The following ARHGAP6 variants were observed in gnomAD, a reference collection of about 807,000 sequenced individuals.
ARHGAP6 encodes the protein Rho GTPase activating protein 6.
In ARHGAP6, 16 loss-of-function variants were observed where a neutral mutation model predicts 55.7. That is an observed-to-expected ratio of 0.29 (90% CI 0.19 to 0.44). The LOEUF (loss-of-function observed/expected upper bound fraction) is 0.44, where lower values mean the gene tolerates loss of function less well. ARHGAP6 is among the 20% of genes least tolerant of loss of function. The probability of loss-of-function intolerance (pLI) is 1.00; values close to 1 mark genes in which losing one functional copy is unlikely to be tolerated. For synonymous variants in ARHGAP6, 382 were observed against 360.9 expected (o/e 1.06, Z -0.66); for missense variants, 698 against 808.9 (o/e 0.86, Z 1.66).
chrX:11,628,228 T>G (rs1027885193), intron 1 of ARHGAP6, among the ~76,000 whole-genome samples: 9 of 112,262 alleles, frequency 8.0e-5, no homozygotes, highest in African/African-American at 2.3e-4. Context: ...CTAAAATGGT[T>G]GACATAGAGG....
intron 1 of ARHGAP6, among the ~76,000 whole-genome samples, chrX:11,560,677 A>C (rs1039945435): frequency 1.8e-5 from 2 of 112,340 alleles, no homozygotes; most frequent in South Asian, 3.7e-4. Flanking sequence ...TCCTTCCTCC[A>C]ATTTTCTTAT....
chrX:11,202,015 G>A (rs2147371293), intron 2 of ARHGAP6, among the ~76,000 whole-genome samples: 1 of 102,436 alleles, frequency 9.8e-6, no homozygotes, highest in East Asian at 3.1e-4. Context: ...GTGTGTGTGT[G>A]TGTGTGTGTG....
At chrX:11,381,630 T>C (rs2049264198) in intron 1 of ARHGAP6, among the ~76,000 whole-genome samples, 1 of 111,764 alleles carries the variant, frequency 8.9e-6, no homozygotes, top group African/African-American at 3.3e-5. Flanking sequence ...AGCACTAGTG[T>C]TAGTTTTTCC....
At chrX:11,372,215 T>C (rs2049150869) in intron 1 of ARHGAP6, among the ~76,000 whole-genome samples, 1 of 112,077 alleles carries the variant, frequency 8.9e-6, no homozygotes, top group Admixed American at 9.5e-5. Context: ...GTCATTATAA[T>C]CAGATGGAAA....
intron 1 of ARHGAP6, among the ~76,000 whole-genome samples, chrX:11,658,980 G>A (rs1391519403): frequency 1.8e-5 from 2 of 110,173 alleles, no homozygotes; most frequent in Non-Finnish European, 3.8e-5. Context: ...ATTGCCAAAA[G>A]TACACTGTGG....
At chrX:11,151,089 C>G (rs539517363) in intron 10 of ARHGAP6, among the ~76,000 whole-genome samples, 3 of 111,249 alleles carry the variant, frequency 2.7e-5, no homozygotes, top group African/African-American at 9.8e-5. Flanking sequence ...TATTCACATT[C>G]AACATATCCT....
At chrX:11,440,416 C>T (rs894216983) in intron 1 of ARHGAP6, among the ~76,000 whole-genome samples, 11 of 112,274 alleles carry the variant, frequency 9.8e-5, no homozygotes, top group African/African-American at 2.9e-4. Context: ...AGAGGAGATG[C>T]CCACTGAAAT....
chrX:11,382,324 GATAA>G, intron 1 of ARHGAP6, among the ~76,000 whole-genome samples: 1 of 111,185 alleles, frequency 9.0e-6, no homozygotes, highest in Non-Finnish European at 1.9e-5. Context: ...CACAGGAAAA[GATAA>G]ATAAGTAAAT....
chrX:11,145,250 C>A (rs763635650), intron 10 of ARHGAP6: 16 of 112,143 alleles, frequency 1.4e-4, no homozygotes, highest in Non-Finnish European at 2.4e-4. Context: ...CTTTTTATTT[C>A]TTAAAGAAGG....
chrX:11,423,343 A>C (rs2049845368), intron 1 of ARHGAP6, among the ~76,000 whole-genome samples: 1 of 112,964 alleles, frequency 8.9e-6, no homozygotes, highest in South Asian at 3.6e-4. Flanking sequence ...TGAAAATTGA[A>C]TGTTCATAGA....
intron 1 of ARHGAP6, among the ~76,000 whole-genome samples, chrX:11,380,047 CT>C (rs2049244467): frequency 8.9e-6 from 1 of 111,869 alleles, no homozygotes; most frequent in Non-Finnish European, 1.9e-5. Flanking sequence ...AATTATTTCA[CT>C]GGCTCTCAGA....
Position 11,648,518 on chromosome X carries a change from C to T in ARHGAP6, c.588+15723G>A, listed in dbSNP as rs74778481. Among the ~76,000 whole-genome samples, 142 of 111,646 alleles carry T rather than the reference C, an allele frequency of 1.3e-3. 4 individuals are homozygous for T. In the East Asian group the frequency reaches 0.038, roughly 30 times the overall value. On this transcript the variant is annotated intron_variant, in intron 1 of 12. Coordinates refer to ENST00000337414, the MANE Select transcript of ARHGAP6 (RefSeq NM_013427.3). ...ATAGTATTGTTGCCTTTCCTCTTCC[C>T]GCTGAAGCATTATAAAATTGATGTA...
chrX:11,445,238 T>C (rs763097336), intron 1 of ARHGAP6, among the ~76,000 whole-genome samples: 3 of 112,041 alleles, frequency 2.7e-5, no homozygotes, highest in Non-Finnish European at 5.6e-5. Context: ...ATGTGGTCCA[T>C]ATGGGCATGA....
chrX:11,211,525 T>C (rs1030218252), intron 2 of ARHGAP6, among the ~76,000 whole-genome samples: 11 of 101,794 alleles, frequency 1.1e-4, no homozygotes, highest in African/African-American at 3.3e-4. Flanking sequence ...CCACTGCGCC[T>C]GGCCTATGAG....
At chrX:11,427,480 C>T (rs746577982) in intron 1 of ARHGAP6, 2 of 920,588 alleles carry the variant, frequency 2.2e-6, no homozygotes, top group African/African-American at 4.2e-5. Flanking sequence ...ACCATCGCCC[C>T]TCGCAGTCCC....
Position 11,196,960 on chromosome X carries a change from A to G in ARHGAP6, c.785T>C (p.Leu262Pro). ...GTTTTTCTCCTTTCCTAGTGAATCC[A>G]GTTTCTTTCTTAAAGATTTCTTTCT... ...QKRKKSLRKKLDSLGKEKNKD... is the reference protein window; with the variant it reads ...QKRKKSLRKKPDSLGKEKNKD... The change falls in exon 3 of 13, where the codon CTG becomes CCG. Residue 262 changes from leucine (L) to proline (P), a missense_variant. By Grantham distance (98) the Leu-to-Pro change is moderately conservative. Coordinates refer to ENST00000337414, the MANE Select transcript of ARHGAP6 (RefSeq NM_013427.3). The G allele has an allele frequency of 9.0e-7, 1 of 1,114,509 alleles. No individual in the cohort carries two copies. The highest frequency in any genetic ancestry group is 1.2e-6 in the Non-Finnish European group (1 of 808,267). 91.8% of individuals were successfully genotyped at this position (1,114,509 alleles called of 1,213,427 possible). A position where few individuals can be genotyped will look rare whatever the true frequency, so the allele number is the denominator to read the frequency against.
chrX:11,158,117 C>T (rs1043976357), intron 9 of ARHGAP6, among the ~76,000 whole-genome samples: 9 of 112,026 alleles, frequency 8.0e-5, no homozygotes, highest in Non-Finnish European at 1.7e-4. Flanking sequence ...TTATACCCCA[C>T]GTTCCCTCTG....
intron 1 of ARHGAP6, among the ~76,000 whole-genome samples, chrX:11,630,501 G>A (rs776491945): frequency 4.2e-4 from 47 of 112,271 alleles, no homozygotes; most frequent in African/African-American, 1.4e-3. Context: ...AAGATGCTAT[G>A]AGGGTGGGGA....
intron 2 of ARHGAP6, chrX:11,224,257 G>C (rs1482941883): frequency 1.2e-5 from 2 of 165,381 alleles, no homozygotes; most frequent in Admixed American, 1.7e-4. Context: ...GAAGAAGAAA[G>C]AAGAAGGAGC....
Sources: gnomAD v4.1 joint callset for allele counts (sites outside exome capture counted in the v4.1 genomes callset) on GRCh38, gnomAD v4.1.1 for gene constraint, MANE v1.5 for transcripts, NCBI Gene and HGNC (gene_info 2026-07-23, HGNC 2026-07-21) for gene names.